ATPAF2: variants seen among roughly 807,000 people sequenced by gnomAD.
ATPAF2 encodes ATP synthase mitochondrial F1 complex assembly factor 2.
In ATPAF2, 30 loss-of-function variants were observed where a neutral mutation model predicts 36.6. That is an observed-to-expected ratio of 0.82 (90% CI 0.61 to 1.11). ATPAF2 has a LOEUF of 1.11. Ranked by LOEUF, ATPAF2 falls within the 50% of genes most tolerant of loss-of-function variation. The pLI is 0.00. For missense variants in ATPAF2, 321 were observed against 372.3 expected, an observed-to-expected ratio of 0.86 and a Z score of 1.13; for synonymous variants, 140 against 152.6, an observed-to-expected ratio of 0.92 and a Z score of 0.61.
chr17:18,015,440 C>A, downstream of ATPAF2: 1 of 152,490 alleles, frequency 6.6e-6, no homozygotes. Context: ...GCAACAATAG[C>A]CACAGTGTCA....
intron 5 of ATPAF2, among the ~76,000 whole-genome samples, chr17:18,022,140 C>G (rs779287366): frequency 6.6e-6 from 1 of 152,220 alleles, no homozygotes; most frequent in African/African-American, 2.4e-5. Context: ...CTGAAATGCT[C>G]ATTCATTCAC....
At chr17:18,034,281 G>C (rs2044674937) in intron 1 of ATPAF2, among the ~76,000 whole-genome samples, 2 of 152,040 alleles carry the variant, frequency 1.3e-5, no homozygotes, top group African/African-American at 4.8e-5. Context: ...GCACACACCT[G>C]TAGTTCCCAG....
At chr17:18,037,212 C>G (rs1174101791) in intron 1 of ATPAF2, among the ~76,000 whole-genome samples, 1 of 152,180 alleles carries the variant, frequency 6.6e-6, no homozygotes, top group Admixed American at 6.5e-5. Context: ...CCCTTCATGG[C>G]CCATTTCCAG....
chr17:18,032,056 G>A (rs980007351), intron 1 of ATPAF2, among the ~76,000 whole-genome samples: 1 of 152,202 alleles, frequency 6.6e-6, no homozygotes, highest in Admixed American at 6.5e-5. Context: ...AATGCAACAG[G>A]CTGGGCTGCA....
At chr17:18,016,522 T>A, downstream of ATPAF2, 1 of 1,408,406 alleles carries the variant, frequency 7.1e-7, no homozygotes, top group Non-Finnish European at 1.0e-6. Flanking sequence ...ACCAATGATC[T>A]GATGTAAGGA....
intron 1 of ATPAF2, among the ~76,000 whole-genome samples, chr17:18,038,027 A>AT (rs1164290000): frequency 1.3e-5 from 2 of 152,236 alleles, no homozygotes; most frequent in Non-Finnish European, 2.9e-5. Context: ...TTATCAGGAT[A>AT]TTATAAACCA....
downstream of ATPAF2, chr17:18,016,219 A>G: frequency 6.2e-7 from 1 of 1,607,092 alleles, no homozygotes. Context: ...AAGCCATCCT[A>G]GCAGGCTGGA....
At chr17:18,028,428 T>C (rs2044579494) in intron 2 of ATPAF2, 51 bp from the exon 3 acceptor site, 4 of 1,605,412 alleles carry the variant, frequency 2.5e-6, no homozygotes, top group Non-Finnish European at 3.4e-6. Flanking sequence ...TGGAATCAAG[T>C]GACCATTCCT....
intron 4 of ATPAF2, 29 bp from the exon 5 acceptor site, chr17:18,024,733 A>G (rs373588386): frequency 8.8e-6 from 14 of 1,583,566 alleles, no homozygotes; most frequent in Middle Eastern, 1.7e-4. Flanking sequence ...AACCTTCATT[A>G]ATAAAAAAGT....
In ATPAF2 at chr17:18,028,392, T is replaced by C. The variant is rs1325046008; in HGVS notation, c.179-15A>G. On this transcript the variant is annotated splice_polypyrimidine_tract_variant and intron_variant, in intron 2 of 7. Coordinates refer to ENST00000474627, the MANE Select transcript of ATPAF2 (RefSeq NM_145691.4). ...CTCAAAGCCACCTTGAAAGATCAAA[T>C]GAAAAACTCTCAGGGATTTGTTAAG... 6.2e-7 allele frequency: 1 copy of C among 1,613,432 alleles called. No individual in the cohort carries two copies.
intron 1 of ATPAF2, among the ~76,000 whole-genome samples, chr17:18,029,879 TAAAAAA>T (rs771131818): frequency 1.9e-5 from 1 of 53,208 alleles, no homozygotes; most frequent in African/African-American, 7.6e-5. Context: ...CCTTTAACGC[TAAAAAA>T]AAAAAAAAAA....
intron 4 of ATPAF2, chr17:18,026,110 A>G (rs2044541457): frequency 3.1e-6 from 2 of 640,650 alleles, no homozygotes; most frequent in Non-Finnish European, 2.8e-6. Flanking sequence ...TGGGCTAGAG[A>G]AGAGGGGTGG....
At chr17:18,037,283 C>T (rs1280290016) in intron 1 of ATPAF2, among the ~76,000 whole-genome samples, 1 of 152,010 alleles carries the variant, frequency 6.6e-6, no homozygotes, top group Non-Finnish European at 1.5e-5. Context: ...GCCCCCTTCC[C>T]CATTTCTATA....
At chr17:18,027,976 A>G (rs2044572153) in intron 3 of ATPAF2, 2 of 534,426 alleles carry the variant, frequency 3.7e-6, no homozygotes, top group African/African-American at 1.9e-5. Flanking sequence ...TGGGCAGTCA[A>G]TGAAGGTGAC....
In ATPAF2 at chr17:18,036,834, G is replaced by A. The variant is rs148717624; in HGVS notation, c.133+2047C>T. 4.6e-3 allele frequency among the ~76,000 whole-genome samples: 694 copies of A among 152,236 alleles called. 6 individuals carry two copies. The highest frequency in any genetic ancestry group is 0.016 in the African/African-American group (670 of 41,536). The stretch of plus-strand genomic sequence containing the variant: ...ACGCCTGTAATCCCAGCATTTGGGA[G>A]GCTGAGGCGGGAGGATCACCTGAGG... On this transcript the variant is annotated intron_variant, in intron 1 of 7. Coordinates refer to ENST00000474627, the MANE Select transcript of ATPAF2 (RefSeq NM_145691.4).
Position 18,028,661 on chromosome 17 carries a change from T to C in ATPAF2, c.134-2A>G, listed in dbSNP as rs2044583306. On this transcript the variant is annotated splice_acceptor_variant, in intron 1 of 7. Transcript: ENST00000474627. LOFTEE classifies it high-confidence loss of function. ...CATTCTGATAAAACCTCTTCCTTTC[T>C]GTAAGAAAGATTTTTCAAAGAGGCA... 1 of 1,613,296 alleles carries C rather than the reference T, an allele frequency of 6.2e-7. No individual in the cohort carries two copies. Among genetic ancestry groups the C allele is most frequent in the Non-Finnish European group, 8.5e-7 (1 of 1,179,956 alleles).
At chr17:18,032,294 CA>C (rs1309333341) in intron 1 of ATPAF2, among the ~76,000 whole-genome samples, 1 of 152,226 alleles carries the variant, frequency 6.6e-6, no homozygotes, top group Non-Finnish European at 1.5e-5. Flanking sequence ...GCTGAACCTT[CA>C]AAAGCTCCTG....
In ATPAF2 at chr17:18,018,411, C is replaced by A; in HGVS notation, c.*138G>T. ...ACAGCCGTACTAGCGCACTGTGTCT[C>A]GGGGGGAATCTCAGGGTGACGCTGA... is the stretch of plus-strand genomic sequence containing the variant. On this transcript the variant is annotated 3_prime_UTR_variant, in exon 8 of 8. Transcript: ENST00000474627. 7.9e-7 allele frequency: 1 copy of A among 1,263,596 alleles called. No homozygotes were observed. Among genetic ancestry groups the A allele is most frequent in the Admixed American group, 1.8e-5 (1 of 56,552 alleles). The allele number at this position is 1,263,596 out of a possible 1,614,324, so 78.3% of individuals were successfully genotyped here.
chr17:18,018,647 C>T lies in ATPAF2; in HGVS notation c.772G>A (p.Glu258Lys). 6.2e-7 allele frequency: 1 copy of T among 1,614,100 alleles called. No individual in the cohort carries two copies. The highest frequency in any genetic ancestry group is 8.5e-7 in the Non-Finnish European group (1 of 1,180,020). The change falls in exon 8 of 8, where the codon GAG (glutamate) becomes AAG (lysine). Residue 258 changes from glutamate to lysine, a missense_variant. Around this residue, in one of 3 missense-constraint regions of ATPAF2, gnomAD observed 199 missense variants for 220.6 expected, o/e 0.90. Transcript: ENST00000474627. ...GTGCGGGCCCGCAGCTCCTGCAGCT[C>T]ATAGTCATGGGCCCACTCAATGTTG... ...WGNIEWAHDY[E>K]LQELRARTAA...
Sources: gnomAD v4.1 joint callset for allele counts (sites outside exome capture counted in the v4.1 genomes callset) on GRCh38, gnomAD v4.1.1 for gene constraint, gnomAD v4.1.1 regional missense constraint, MANE v1.5 for transcripts, NCBI Gene and HGNC (gene_info 2026-07-23, HGNC 2026-07-21) for gene names.